The following GUCY2D variants were observed in gnomAD, a reference collection of about 807,000 sequenced individuals.
The protein encoded by GUCY2D is retinal guanylyl cyclase 1.
Under a neutral mutation model 101.3 loss-of-function variants are expected in GUCY2D, and 70 were observed. That is an observed-to-expected ratio of 0.69 (90% CI 0.57 to 0.84). The LOEUF (loss-of-function observed/expected upper bound fraction) is 0.84. GUCY2D is among the 40% of genes least tolerant of loss of function. GUCY2D has a pLI of 0.00. For synonymous variants in GUCY2D, 688 were observed against 670.7 expected, an observed-to-expected ratio of 1.03 and a Z score of -0.40; for missense variants, 1,460 against 1,542.5, an observed-to-expected ratio of 0.95 and a Z score of 0.90.
chr17:8,015,430 AGT>A lies in GUCY2D; in HGVS notation c.2874_2875del (p.Ala959ArgfsTer11). On this transcript the variant is annotated frameshift_variant, in exon 15 of 20. Transcript: ENST00000254854. LOFTEE classifies it high-confidence loss of function. ...CGCCAACATGTCACTGGACATCCTC[AGT>A]GCCGTGGGCACTTTCCGCATGCGCC... is the stretch of plus-strand genomic sequence containing the variant. ...EIANMSLDIL[S>X]AVGTFRMRHM... 1 of 1,613,916 alleles carries A rather than the reference AGT, an allele frequency of 6.2e-7. No individual in the cohort carries two copies. The highest frequency in any genetic ancestry group is 8.5e-7 in the Non-Finnish European group (1 of 1,179,932).
chr17:8,004,296 C>A, intron 3 of GUCY2D, 140 bp downstream of exon 3: 1 of 783,052 alleles, frequency 1.3e-6, no homozygotes, highest in Non-Finnish European at 2.0e-6. Context: ...TGTAGAGGCT[C>A]TGGCCCCACT....
At chr17:8,016,417 C>A in intron 18 of GUCY2D, 26 bp from the exon 19 acceptor site, 2 of 1,529,526 alleles carry the variant, frequency 1.3e-6, no homozygotes, top group East Asian at 2.4e-5. Context: ...TTCCCCTTCC[C>A]TGAGGCCACC....
In GUCY2D at chr17:8,011,866, C is replaced by T. The variant is rs189930296; in HGVS notation, c.1750-278C>T. On this transcript the variant is annotated intron_variant, in intron 8 of 19. Transcript: ENST00000254854. This position sits in a 1 kb window ranked among gnomAD's most constrained non-coding sequence, Gnocchi z 4.3. ...CTTATGATCAATAAATCCGAACCTG[C>T]CTGGGTCCTGATCACCAATGCAAAG... Among the ~76,000 whole-genome samples, 5 of 152,278 alleles carry T rather than the reference C, an allele frequency of 3.3e-5. No homozygotes were observed. Among genetic ancestry groups the T allele is most frequent in the Non-Finnish European group, 5.9e-5 (4 of 68,014 alleles).
At position 8,016,038 on chromosome 17, in the gene GUCY2D, A is replaced by G. The variant is rs761543634; in HGVS notation, c.3138+17A>G. On this transcript the variant is annotated intron_variant, in intron 17 of 19. Transcript: ENST00000254854. Reference sequence around the variant, plus strand: ...GAGCTGAAGGTGAGGCAGGGCCCCAACCCCTCCCGGAGGCCCCGCCCTGTC... The same window carrying G: ...GAGCTGAAGGTGAGGCAGGGCCCCAGCCCCTCCCGGAGGCCCCGCCCTGTC... The G allele has an allele frequency of 1.6e-5, 25 of 1,586,990 alleles. No individual in the cohort carries two copies. Among genetic ancestry groups the G allele is most frequent in the Middle Eastern group, 1.7e-4 (1 of 6,028 alleles).
In GUCY2D at chr17:8,015,840, G is replaced by C; in HGVS notation, c.3042G>C (p.Leu1014=). 1 of 1,611,538 alleles carries C rather than the reference G, an allele frequency of 6.2e-7. No individual in the cohort carries two copies. Among genetic ancestry groups the C allele is most frequent in the Non-Finnish European group, 8.5e-7 (1 of 1,178,810 alleles). Residue 1014 remains leucine, a splice_region_variant and synonymous_variant, in exon 16 of 20, where the codon CTG becomes CTC. Coordinates refer to ENST00000254854, the MANE Select transcript of GUCY2D (RefSeq NM_000180.4). ...NTASRMESTG[L]PYRIHVNLST... is the part of the protein sequence containing the mutation. ...CCTCGCGCATGGAGTCCACCGGGCT[G>C]CGTGAGTGTGACGGGGACAAGACGG...
At chr17:8,016,344 C>T in intron 18 of GUCY2D, 54 bp downstream of exon 18, 1 of 1,445,534 alleles carries the variant, frequency 6.9e-7, no homozygotes, top group Non-Finnish European at 9.5e-7. Flanking sequence ...CTGCCTCCTG[C>T]TCTGTGTCTG....
At chr17:8,009,014 G>A (rs73978653) in intron 7 of GUCY2D, among the ~76,000 whole-genome samples, 3,510 of 152,284 alleles carry the variant, frequency 0.023, 141 homozygotes, top group African/African-American at 0.08. Flanking sequence ...TGGGCCCTTC[G>A]GAGCACGAGG....
intron 3 of GUCY2D, among the ~76,000 whole-genome samples, chr17:8,006,042 T>C (rs1321361555): frequency 6.6e-6 from 1 of 152,100 alleles, no homozygotes; most frequent in Non-Finnish European, 1.5e-5. Context: ...CTACAGGTGA[T>C]GGAGAATTAG....
Position 8,012,222 on chromosome 17 carries a change from C to G in GUCY2D, c.1828C>G (p.Leu610Val), listed in dbSNP as rs779224998. The change falls in exon 9 of 20, where the codon CTC becomes GTC. Residue 610 changes from leucine to valine, a missense_variant. Physicochemically the swap from Leu to Val is conservative, Grantham distance 32. Coordinates refer to ENST00000254854, the MANE Select transcript of GUCY2D (RefSeq NM_000180.4). Reference protein sequence around the residue: ...LARGAEGPAALWEGNLAVVSE... With the variant: ...LARGAEGPAAVWEGNLAVVSE... ...TCGGGGAGCAGAAGGCCCTGCGGCCCTCTGGGAGGGCAACCTGGCTGTGGT... is the reference window on the plus strand; with the variant it reads ...TCGGGGAGCAGAAGGCCCTGCGGCCGTCTGGGAGGGCAACCTGGCTGTGGT... 7.4e-6 allele frequency: 12 copies of G among 1,614,004 alleles called. No homozygotes were observed. The highest frequency in any genetic ancestry group is 9.3e-6 in the Non-Finnish European group (11 of 1,179,860).
Position 8,003,062 on chromosome 17 carries a change from C to T in GUCY2D, c.15C>T (p.Ala5=). ...AGAAGCCGGCAATGACCGCCTGCGC[C>T]CGCCGAGCGGGTGGGCTTCCGGACC... MTAC[A]RRAGGLPDPG... The change falls in exon 2 of 20, where the codon GCC becomes GCT. Residue 5 remains alanine (A), a synonymous_variant. Transcript: ENST00000254854. 6.6e-7 allele frequency: 1 copy of T among 1,526,546 alleles called. No homozygotes were observed. Among genetic ancestry groups the T allele is most frequent in the East Asian group, 2.5e-5 (1 of 39,898 alleles). 94.6% of individuals were successfully genotyped at this position (1,526,546 alleles called of 1,614,324 possible). A position where few individuals can be genotyped will look rare whatever the true frequency, so the allele number is the denominator to read the frequency against.
intron 5 of GUCY2D, 71 bp from the exon 6 acceptor site, chr17:8,007,355 C>T: frequency 9.1e-7 from 1 of 1,095,806 alleles, no homozygotes. Context: ...TTATCCCTCC[C>T]CCGCATCCCC....
rs753855098 is a variant in GUCY2D at position 8,003,083 on chromosome 17, G to A, written c.36G>A (p.Pro12=). 3.3e-6 allele frequency: 5 copies of A among 1,525,804 alleles called. No homozygotes were observed. Among genetic ancestry groups the A allele is most frequent in the South Asian group, 1.2e-5 (1 of 82,304 alleles). 94.5% of individuals were successfully genotyped at this position (1,525,804 alleles called of 1,614,324 possible). Residue 12 remains proline, a synonymous_variant, in exon 2 of 20, where the codon CCG becomes CCA. Coordinates refer to ENST00000254854, the MANE Select transcript of GUCY2D (RefSeq NM_000180.4). ...GCGCCCGCCGAGCGGGTGGGCTTCCGGACCCCGGGCTCTGCGGTCCCGCGT... is the reference window on the plus strand; with the variant it reads ...GCGCCCGCCGAGCGGGTGGGCTTCCAGACCCCGGGCTCTGCGGTCCCGCGT... ...TACARRAGGL[P]DPGLCGPAWW...
In GUCY2D at chr17:8,014,008, A is replaced by G. The variant is rs1975911307; in HGVS notation, c.2392A>G (p.Met798Val). ...AGAGCAGCCGGAACTTCGGCCCTCC[A>G]TGGACCACACCTTCGACCTGGTCAG... The part of the protein sequence containing the change: ...WAEQPELRPS[M>V]DHTFDLFKNI... The change falls in exon 12 of 20, where the codon ATG becomes GTG. Residue 798 changes from methionine (M) to valine (V), a missense_variant. Around this residue, in one of 3 missense-constraint regions of GUCY2D, gnomAD observed 1,196 missense variants for 1,229.6 expected, o/e 0.97. Coordinates refer to ENST00000254854, the MANE Select transcript of GUCY2D (RefSeq NM_000180.4). This position sits in a 1 kb window ranked among gnomAD's most constrained non-coding sequence, Gnocchi z 4.0. The G allele has an allele frequency of 1.2e-6, 2 of 1,613,546 alleles. No individual in the cohort carries two copies. The highest frequency in any genetic ancestry group is 8.5e-7 in the Non-Finnish European group (1 of 1,179,948).
intron 8 of GUCY2D, among the ~76,000 whole-genome samples, chr17:8,009,841 C>T (rs562446256): frequency 7.6e-4 from 115 of 152,044 alleles, no homozygotes; most frequent in Middle Eastern, 6.8e-3. Context: ...CTGGGTGTGG[C>T]GTTACATGCC....
chr17:8,009,628 T>C (rs754329901), intron 8 of GUCY2D, 42 bp downstream of exon 8: 1 of 1,273,560 alleles, frequency 7.9e-7, no homozygotes, highest in South Asian at 1.2e-5. Flanking sequence ...GGCCATCGGT[T>C]TCTCCCTCCT....
Position 8,003,961 on chromosome 17 carries a change from C to T in GUCY2D, c.831C>T (p.Pro277=), listed in dbSNP as rs759731211. 1 of 1,613,772 alleles carries T rather than the reference C, an allele frequency of 6.2e-7. No homozygotes were observed. Among genetic ancestry groups the T allele is most frequent in the South Asian group, 1.1e-5 (1 of 91,082 alleles). Residue 277 remains proline, a synonymous_variant, in exon 3 of 20, where the codon CCC becomes CCT. Transcript: ENST00000254854. ...CCGATGGCTCCCTGGTCTTCCTGCC[C>T]TTCGACACGATCCACTACGCCTTGT... ...GLTDGSLVFL[P]FDTIHYALSP... is the part of the protein sequence containing the mutation.
intron 2 of GUCY2D, 21 bp downstream of exon 2, chr17:8,003,789 CGAG>C: frequency 1.9e-6 from 3 of 1,601,040 alleles, no homozygotes; most frequent in Non-Finnish European, 2.5e-6. Flanking sequence ...TTGCAGGGTG[CGAG>C]GAGGTCGGCT....
At chr17:8,006,943 G>A (rs1975755552) in intron 4 of GUCY2D, 117 bp from the exon 5 acceptor site, 1 of 883,836 alleles carries the variant, frequency 1.1e-6, no homozygotes, top group African/African-American at 1.7e-5. Flanking sequence ...TACCCCTAGA[G>A]CCTCTCTGGG....
Position 8,013,462 on chromosome 17 carries a change from G to A in GUCY2D, c.2263+210G>A. 1.6e-6 allele frequency: 1 copy of A among 613,244 alleles called. No individual in the cohort carries two copies. Among genetic ancestry groups the A allele is most frequent in the Non-Finnish European group, 2.9e-6 (1 of 340,848 alleles). 38.0% of individuals were successfully genotyped at this position (613,244 alleles called of 1,614,324 possible). On this transcript the variant is annotated intron_variant, in intron 11 of 19. Coordinates refer to ENST00000254854, the MANE Select transcript of GUCY2D (RefSeq NM_000180.4). The surrounding 1 kb of genome is among the most constrained non-coding windows in gnomAD (Gnocchi z 5.0). ...GTTCATTAGGTCCCAGACCACAACAGCTTCCTCTTTCTTGATGCTGGAACC... is the reference window on the plus strand; with the variant it reads ...GTTCATTAGGTCCCAGACCACAACAACTTCCTCTTTCTTGATGCTGGAACC...
Sources: allele counts gnomAD v4.1 joint callset (sites outside exome capture counted in the v4.1 genomes callset), GRCh38; gene constraint gnomAD v4.1.1; regional missense constraint gnomAD v4.1.1; non-coding constraint Gnocchi (gnomAD v3.1); transcripts MANE v1.5; gene names NCBI Gene and HGNC (gene_info 2026-07-23, HGNC 2026-07-21).